Variants in SAMTOR observed in about 807,000 individuals in gnomAD.
SAMTOR encodes S-adenosylmethionine sensor upstream of mTORC1.
At chr7:112,929,303 A>C in the SAMTOR span, among the ~76,000 whole-genome samples, 2 of 151,952 alleles carry the variant, frequency 1.3e-5, no homozygotes, top group South Asian at 4.1e-4. Flanking sequence ...TTTTCCAAAG[A>C]CAACACAAAA....
At chr7:112,830,979 A>C in the SAMTOR span, among the ~76,000 whole-genome samples, 3 of 152,152 alleles carry the variant, frequency 2.0e-5, no homozygotes, top group South Asian at 6.2e-4. Context: ...CAGAGACTAG[A>C]AAATGGTGAT....
At chr7:112,844,670 C>A in the SAMTOR span, among the ~76,000 whole-genome samples, 1 of 152,078 alleles carries the variant, frequency 6.6e-6, no homozygotes, top group African/African-American at 2.4e-5. Context: ...GGCCATATTG[C>A]CCAAAGCAAT....
chr7:112,894,134 T>C, the SAMTOR span, among the ~76,000 whole-genome samples: 1 of 134,148 alleles, frequency 7.5e-6, no homozygotes, highest in African/African-American at 2.9e-5. Context: ...TAGTGTCTTA[T>C]GGAATAGAGA....
the SAMTOR span, among the ~76,000 whole-genome samples, chr7:112,853,552 G>C: frequency 6.6e-6 from 1 of 152,102 alleles, no homozygotes; most frequent in African/African-American, 2.4e-5. Flanking sequence ...GACATGTTAA[G>C]AAAGAGCTGT....
the SAMTOR span, among the ~76,000 whole-genome samples, chr7:112,890,758 T>C: frequency 6.6e-6 from 1 of 151,980 alleles, no homozygotes; most frequent in African/African-American, 2.4e-5. Context: ...AGGTGTGATC[T>C]CTACTCACTG....
At chr7:112,845,677 G>A in the SAMTOR span, among the ~76,000 whole-genome samples, 46 of 152,212 alleles carry the variant, frequency 3.0e-4, no homozygotes, top group Non-Finnish European at 6.2e-4. Flanking sequence ...GCAGTGTGGC[G>A]ATTCCTCAAA....
chr7:112,905,703 T>C, the SAMTOR span, among the ~76,000 whole-genome samples: 6 of 152,058 alleles, frequency 3.9e-5, no homozygotes, highest in African/African-American at 1.4e-4. Context: ...TGTTGAAAGG[T>C]CATTCAACAA....
the SAMTOR span, among the ~76,000 whole-genome samples, chr7:112,917,177 G>A: frequency 1.3e-3 from 196 of 152,314 alleles, 1 homozygote; most frequent in South Asian, 2.1e-3. Flanking sequence ...CCTGACCCCC[G>A]AGCAGCCTAC....
the SAMTOR span, among the ~76,000 whole-genome samples, chr7:112,934,697 G>A: frequency 1.3e-5 from 2 of 152,170 alleles, no homozygotes; most frequent in Non-Finnish European, 2.9e-5. Flanking sequence ...TATATATACA[G>A]ATGTCTGTGT....
chr7:112,851,353 T>C, the SAMTOR span, among the ~76,000 whole-genome samples: 1 of 152,098 alleles, frequency 6.6e-6, no homozygotes, highest in African/African-American at 2.4e-5. Context: ...AATAGATATA[T>C]AGATCAGCGG....
At chr7:112,910,128 C>T in the SAMTOR span, among the ~76,000 whole-genome samples, 1 of 151,670 alleles carries the variant, frequency 6.6e-6, no homozygotes, top group Non-Finnish European at 1.5e-5. Context: ...GCTCCTGCTG[C>T]CTAATATGAA....
At chr7:112,922,474 C>G in the SAMTOR span, among the ~76,000 whole-genome samples, 1 of 150,394 alleles carries the variant, frequency 6.6e-6, no homozygotes, top group East Asian at 2.0e-4. Context: ...AAGTGAGGAG[C>G]GTCTCTGCCC....
At chr7:112,889,108 T>C in the SAMTOR span, among the ~76,000 whole-genome samples, 3 of 152,316 alleles carry the variant, frequency 2.0e-5, no homozygotes, top group East Asian at 1.9e-4. Context: ...GAAGTGTACC[T>C]AAATGTAACC....
chr7:112,875,929 T>A, the SAMTOR span, among the ~76,000 whole-genome samples: 3 of 152,196 alleles, frequency 2.0e-5, no homozygotes, highest in Non-Finnish European at 2.9e-5. Context: ...CCAGATGACA[T>A]GTGGTTCCAC....
chr7:112,832,954 A>T, the SAMTOR span, among the ~76,000 whole-genome samples: 2 of 152,160 alleles, frequency 1.3e-5, no homozygotes, highest in Non-Finnish European at 2.9e-5. Flanking sequence ...TTAATTTTTT[A>T]AAAATTGAGA....
chr7:112,914,954 G>C, the SAMTOR span, among the ~76,000 whole-genome samples: 2 of 152,088 alleles, frequency 1.3e-5, no homozygotes, highest in East Asian at 3.9e-4. Context: ...AGATTTAAGA[G>C]TTTTGGCCAG....
At chr7:112,864,173 T>G in the SAMTOR span, among the ~76,000 whole-genome samples, 29 of 152,244 alleles carry the variant, frequency 1.9e-4, no homozygotes, top group East Asian at 5.6e-3. Flanking sequence ...ATGTTCTCAC[T>G]TATAGGTGGG....
chr7:112,861,505 G>A, the SAMTOR span, among the ~76,000 whole-genome samples: 1,616 of 152,222 alleles, frequency 0.011, 28 homozygotes, highest in African/African-American at 0.037. Flanking sequence ...CATCATGACC[G>A]TTAGTGATTT....
chr7:112,880,893 G>C, the SAMTOR span, among the ~76,000 whole-genome samples: 1 of 152,164 alleles, frequency 6.6e-6, no homozygotes, highest in Admixed American at 6.5e-5. Context: ...GGCTGCAGCA[G>C]GGGAGGTGTG....
Sources: allele counts gnomAD v4.1 joint callset (sites outside exome capture counted in the v4.1 genomes callset), GRCh38; gene constraint gnomAD v4.1.1; transcripts MANE v1.5; gene names NCBI Gene and HGNC (gene_info 2026-07-23, HGNC 2026-07-21).